Variants in PCDH15 observed in about 807,000 individuals in gnomAD.
PCDH15 encodes the protein protocadherin related 15.
Under a neutral mutation model 178.5 loss-of-function variants are expected in PCDH15, and 129 were observed. That is an observed-to-expected ratio of 0.72 (90% CI 0.63 to 0.84). The LOEUF (loss-of-function observed/expected upper bound fraction) is 0.84. Among genes scored for constraint, PCDH15 ranks in the 40% least tolerant of loss-of-function variants. The probability of loss-of-function intolerance (pLI) is 0.00; values close to 1 mark genes in which losing one functional copy is unlikely to be tolerated. For synonymous variants in PCDH15, 800 were observed against 732.0 expected (o/e 1.09, Z -1.50); for missense variants, 2,230 against 2,099.9 (o/e 1.06, Z -1.21).
chr10:54,067,775 G>C (rs894924686), intron 17 of PCDH15, among the ~76,000 whole-genome samples: 7 of 152,060 alleles, frequency 4.6e-5, no homozygotes, highest in Non-Finnish European at 1.5e-5. Flanking sequence ...AAATAAAAAG[G>C]AGGAGGAAAA....
chr10:54,612,831 T>C (rs1335516932), intron 2 of PCDH15, among the ~76,000 whole-genome samples: 1 of 151,820 alleles, frequency 6.6e-6, no homozygotes, highest in Non-Finnish European at 1.5e-5. Context: ...GTAAGTTTCT[T>C]ATCGTACCTG....
chr10:55,191,999 T>C (rs1052283296), intron 1 of PCDH15, among the ~76,000 whole-genome samples: 3 of 151,830 alleles, frequency 2.0e-5, no homozygotes, highest in Non-Finnish European at 2.9e-5. Flanking sequence ...GACAAGAAAA[T>C]GTTTAGCTAT....
chr10:54,482,593 G>A (rs779754664), intron 3 of PCDH15, among the ~76,000 whole-genome samples: 8 of 151,674 alleles, frequency 5.3e-5, no homozygotes, highest in Non-Finnish European at 8.8e-5. Context: ...AAGGTGTTCA[G>A]GAAAAGAAGG....
At chr10:54,366,303 CTG>C (rs1262714079) in intron 5 of PCDH15, among the ~76,000 whole-genome samples, 1 of 152,048 alleles carries the variant, frequency 6.6e-6, no homozygotes, top group Admixed American at 6.6e-5. Context: ...ATCTATTAAA[CTG>C]TGAACGATTT....
intron 25 of PCDH15, among the ~76,000 whole-genome samples, chr10:53,914,248 G>A (rs2083365427): frequency 6.6e-6 from 1 of 152,118 alleles, no homozygotes; most frequent in African/African-American, 2.4e-5. Flanking sequence ...ATTTGACCCA[G>A]CAATCCCATC....
intron 1 of PCDH15, among the ~76,000 whole-genome samples, chr10:54,720,756 G>C (rs987555177): frequency 6.6e-6 from 1 of 151,908 alleles, no homozygotes; most frequent in Non-Finnish European, 1.5e-5. Flanking sequence ...AATACTACTG[G>C]TCCTATGAAT....
intron 25 of PCDH15, among the ~76,000 whole-genome samples, chr10:53,904,477 T>C (rs1268297665): frequency 6.6e-6 from 1 of 151,852 alleles, no homozygotes; most frequent in Non-Finnish European, 1.5e-5. Flanking sequence ...TCTTTTTTTT[T>C]TTTTTGCTTG....
chr10:54,780,442 A>G (rs2133395472), intron 1 of PCDH15, among the ~76,000 whole-genome samples: 1 of 152,310 alleles, frequency 6.6e-6, no homozygotes, highest in African/African-American at 2.4e-5. Flanking sequence ...GTTTGTTCTC[A>G]AGAGGAGACG....
chr10:53,886,017 G>C (rs1409025604), intron 26 of PCDH15, among the ~76,000 whole-genome samples: 1 of 152,086 alleles, frequency 6.6e-6, no homozygotes, highest in Non-Finnish European at 1.5e-5. Flanking sequence ...CAATAAAACT[G>C]TGTTTTTAAT....
intron 1 of PCDH15, among the ~76,000 whole-genome samples, chr10:55,178,467 C>G (rs1839554658): frequency 6.6e-6 from 1 of 152,188 alleles, no homozygotes; most frequent in Non-Finnish European, 1.5e-5. Flanking sequence ...GAAAGTTCTT[C>G]AAATCCTTCA....
intron 2 of PCDH15, among the ~76,000 whole-genome samples, chr10:55,149,587 C>A (rs1251166617): frequency 6.6e-6 from 1 of 151,938 alleles, no homozygotes; most frequent in African/African-American, 2.4e-5. Flanking sequence ...CCAGTTTGGA[C>A]AGTCAAATAA....
At chr10:55,625,823 C>T (rs1005001185) in intron 2 of PCDH15, among the ~76,000 whole-genome samples, 1 of 152,080 alleles carries the variant, frequency 6.6e-6, no homozygotes, top group Non-Finnish European at 1.5e-5. Context: ...TTATTTCCTC[C>T]TCTTCTACAC....
chr10:54,884,074 T>C (rs765141227), intron 3 of PCDH15, among the ~76,000 whole-genome samples: 1 of 152,042 alleles, frequency 6.6e-6, no homozygotes, highest in Non-Finnish European at 1.5e-5. Flanking sequence ...GATTTATGTT[T>C]TTATGTGGCT....
intron 1 of PCDH15, among the ~76,000 whole-genome samples, chr10:54,700,079 C>T (rs2132221974): frequency 6.6e-6 from 1 of 152,212 alleles, no homozygotes; most frequent in South Asian, 2.1e-4. Flanking sequence ...CCCAGAGTTA[C>T]TGCAAGCAGG....
At chr10:55,467,973 A>AAAAAAAAAAAAAAAAAAAAAAAAAT (rs1839870400) in intron 2 of PCDH15, among the ~76,000 whole-genome samples, 1 of 144,064 alleles carries the variant, frequency 6.9e-6, no homozygotes, top group Non-Finnish European at 1.5e-5. Flanking sequence ...TCTCAAAAAA[A>AAAAAAAAAAAAAAAAAAAAAAAAAT]AAAAAAAAAA....
intron 1 of PCDH15, among the ~76,000 whole-genome samples, chr10:55,248,922 A>G (rs1218015650): frequency 1.3e-5 from 2 of 152,184 alleles, no homozygotes; most frequent in Non-Finnish European, 2.9e-5. Flanking sequence ...ATATGATTTA[A>G]AGGACTTGAC....
At chr10:54,543,491 C>A (rs1299790100) in intron 2 of PCDH15, among the ~76,000 whole-genome samples, 4 of 152,178 alleles carry the variant, frequency 2.6e-5, no homozygotes, top group African/African-American at 9.7e-5. Flanking sequence ...CCAACGCATG[C>A]CCTGCGAGGA....
chr10:55,466,848 G>T (rs1051966414), intron 2 of PCDH15, among the ~76,000 whole-genome samples: 8 of 152,130 alleles, frequency 5.3e-5, no homozygotes, highest in African/African-American at 1.9e-4. Flanking sequence ...GGCAATCTTT[G>T]TCAAGTGTAT....
chr10:53,815,009 A>T (rs927034563), intron 35 of PCDH15, among the ~76,000 whole-genome samples: 26 of 151,584 alleles, frequency 1.7e-4, no homozygotes, highest in African/African-American at 5.6e-4. Context: ...GACCAGTCAG[A>T]TCCATGAGTC....
Sources: gnomAD v4.1 joint callset for allele counts (sites outside exome capture counted in the v4.1 genomes callset) on GRCh38, gnomAD v4.1.1 for gene constraint, MANE v1.5 for transcripts, NCBI Gene and HGNC (gene_info 2026-07-23, HGNC 2026-07-21) for gene names.